RPTOR: variants seen among roughly 807,000 people sequenced by gnomAD.
The protein encoded by RPTOR is regulatory associated protein of MTOR complex 1.
Under a neutral mutation model 169.9 loss-of-function variants are expected in RPTOR, and 21 were observed. The ratio of observed to expected loss-of-function variants is 0.12; its 90% CI spans 0.09 to 0.18. RPTOR has a LOEUF of 0.18. RPTOR is among the 10% of genes least tolerant of loss of function. The pLI is 1.00. For missense variants in RPTOR, 1,133 were observed against 1,855.9 expected, an observed-to-expected ratio of 0.61 and a Z score of 7.16; for synonymous variants, 732 against 753.2, an observed-to-expected ratio of 0.97 and a Z score of 0.46.
intron 2 of RPTOR, among the ~76,000 whole-genome samples, chr17:80,627,065 T>C (rs1282770119): frequency 6.6e-6 from 1 of 152,198 alleles, no homozygotes; most frequent in African/African-American, 2.4e-5. Context: ...GTTTCTGCCT[T>C]CTTTCACTTA....
intron 3 of RPTOR, among the ~76,000 whole-genome samples, chr17:80,676,309 A>C (rs1214085612): frequency 1.3e-5 from 2 of 152,236 alleles, no homozygotes; most frequent in Non-Finnish European, 2.9e-5. Context: ...TTTCTGAGGG[A>C]AGTGAATCAC....
chr17:80,665,381 TCC>T (rs1567846004), intron 3 of RPTOR, among the ~76,000 whole-genome samples: 125 of 6,188 alleles, frequency 0.02, 4 homozygotes, highest in South Asian at 0.12. Context: ...TCCTTTCCTT[TCC>T]TTTCCTTTCC....
At chr17:80,938,593 C>T (rs1460976186) in intron 24 of RPTOR, among the ~76,000 whole-genome samples, 1 of 152,136 alleles carries the variant, frequency 6.6e-6, no homozygotes, top group Non-Finnish European at 1.5e-5. Context: ...TTTGCCGTTG[C>T]GGGATTATTT....
At chr17:80,755,868 T>C (rs12947166) in intron 6 of RPTOR, among the ~76,000 whole-genome samples, 27,013 of 152,144 alleles carry the variant, frequency 0.18, 2,838 homozygotes, top group East Asian at 0.24. Flanking sequence ...GATGCAGACT[T>C]AGCCTGAAAG....
intron 9 of RPTOR, among the ~76,000 whole-genome samples, chr17:80,834,491 A>G (rs2067541994): frequency 6.6e-6 from 1 of 152,092 alleles, no homozygotes; most frequent in Admixed American, 6.5e-5. Flanking sequence ...GCATCAGTGA[A>G]ACCAGAACCA....
intron 13 of RPTOR, among the ~76,000 whole-genome samples, chr17:80,872,384 G>A (rs1458044885): frequency 6.6e-6 from 1 of 152,158 alleles, no homozygotes; most frequent in Non-Finnish European, 1.5e-5. Flanking sequence ...TATCCCGGGA[G>A]AACTGCGGAC....
At chr17:80,711,799 A>G (rs7503757) in intron 4 of RPTOR, among the ~76,000 whole-genome samples, 13,443 of 131,954 alleles carry the variant, frequency 0.1, 710 homozygotes, top group Middle Eastern at 0.17. Flanking sequence ...CTGGAGTAAC[A>G]GTGGCGTGAT....
chr17:80,850,269 G>A (rs1291389498), intron 11 of RPTOR, among the ~76,000 whole-genome samples: 2 of 152,160 alleles, frequency 1.3e-5, no homozygotes, highest in South Asian at 2.1e-4. Context: ...CTGTGGACCC[G>A]TTGTTTAGCT....
rs1039332740 is a variant in RPTOR at position 80,959,262 on chromosome 17, C to G, written c.3478-816C>G. Among the ~76,000 whole-genome samples the G allele has an allele frequency of 6.6e-6, 1 of 152,222 alleles. No individual in the cohort carries two copies. Among genetic ancestry groups the G allele is most frequent in the Non-Finnish European group, 1.5e-5 (1 of 68,012 alleles). The stretch of plus-strand genomic sequence containing the variant: ...ACCTGTCTGGAGCTGTGGCTCCACA[C>G]GAGACGTAGCCCTCAGGGCACAGCG... On this transcript the variant is annotated intron_variant, in intron 29 of 33. Transcript: ENST00000306801. The surrounding 1 kb of genome is among the most constrained non-coding windows in gnomAD (Gnocchi z 6.7).
At chr17:80,757,972 G>T (rs2143353498) in intron 6 of RPTOR, among the ~76,000 whole-genome samples, 1 of 152,302 alleles carries the variant, frequency 6.6e-6, no homozygotes, top group African/African-American at 2.4e-5. Flanking sequence ...ACCCCAGGAA[G>T]AGATTGGTCC....
At chr17:80,904,674 A>G (rs952407115) in intron 20 of RPTOR, among the ~76,000 whole-genome samples, 1 of 152,134 alleles carries the variant, frequency 6.6e-6, no homozygotes, top group Non-Finnish European at 1.5e-5. Flanking sequence ...GCCGGGCAGG[A>G]CCCAGGCAGC....
chr17:80,598,754 C>T (rs1456444587), intron 1 of RPTOR, among the ~76,000 whole-genome samples: 1 of 152,188 alleles, frequency 6.6e-6, no homozygotes, highest in Non-Finnish European at 1.5e-5. Flanking sequence ...GTGAAAGGCA[C>T]CGGACATGAA....
rs950102324 is a variant in RPTOR at position 80,947,596 on chromosome 17, G to A, written c.3265+245G>A. 5.9e-5 allele frequency among the ~76,000 whole-genome samples: 9 copies of A among 152,274 alleles called. No homozygotes were observed. The highest frequency in any genetic ancestry group is 4.6e-4 in the Admixed American group (7 of 15,296). ...CTTGTCTTCTCATCTCAGTCCTCTA[G>A]CCCTTCCAGCACCAGGAAAAGCCTC... On this transcript the variant is annotated intron_variant, in intron 27 of 33. Coordinates refer to ENST00000306801, the MANE Select transcript of RPTOR (RefSeq NM_020761.3). This position sits in a 1 kb window ranked among gnomAD's most constrained non-coding sequence, Gnocchi z 4.4.
At chr17:80,862,548 G>A (rs904403326) in intron 13 of RPTOR, among the ~76,000 whole-genome samples, 1 of 149,644 alleles carries the variant, frequency 6.7e-6, no homozygotes, top group Non-Finnish European at 1.5e-5. Context: ...CCGAAGCTCC[G>A]CCCACCATGA....
chr17:80,567,124 C>T (rs1277971428), intron 1 of RPTOR, among the ~76,000 whole-genome samples: 1 of 151,852 alleles, frequency 6.6e-6, no homozygotes, highest in Non-Finnish European at 1.5e-5. Context: ...ATGCATGCCA[C>T]CACATCTGGC....
chr17:80,706,878 G>A (rs565912073), intron 3 of RPTOR, among the ~76,000 whole-genome samples: 7 of 152,322 alleles, frequency 4.6e-5, no homozygotes, highest in South Asian at 2.1e-4. Flanking sequence ...ATTTGTTCAC[G>A]TCTTCTGTGT....
chr17:80,862,479 C>G (rs548233429), intron 13 of RPTOR, among the ~76,000 whole-genome samples: 47 of 152,062 alleles, frequency 3.1e-4, no homozygotes, highest in East Asian at 2.3e-3. Flanking sequence ...CCCCTACCCC[C>G]CCATGATGTG....
At chr17:80,712,478 C>T (rs2066203285) in intron 4 of RPTOR, among the ~76,000 whole-genome samples, 1 of 152,164 alleles carries the variant, frequency 6.6e-6, no homozygotes, top group Admixed American at 6.5e-5. Context: ...AAGACTCCTC[C>T]GTGTCTTTTT....
In RPTOR at chr17:80,878,439, C is replaced by G. The variant is rs2068147382; in HGVS notation, c.1510-1976C>G. On this transcript the variant is annotated intron_variant, in intron 13 of 33. Transcript: ENST00000306801. This position sits in a 1 kb window ranked among gnomAD's most constrained non-coding sequence, Gnocchi z 4.1. ...TCAGCTCACTACAGCCTCCGCCTCC[C>G]AGGTTCCAGCGATTCTCCTGCCTCA... Among the ~76,000 whole-genome samples, 2 of 152,122 alleles carry G rather than the reference C, an allele frequency of 1.3e-5. No homozygotes were observed. The highest frequency in any genetic ancestry group is 4.1e-4 in the South Asian group (2 of 4,822).
Sources: allele counts gnomAD v4.1 joint callset (sites outside exome capture counted in the v4.1 genomes callset), GRCh38; gene constraint gnomAD v4.1.1; non-coding constraint Gnocchi (gnomAD v3.1); transcripts MANE v1.5; gene names NCBI Gene and HGNC (gene_info 2026-07-23, HGNC 2026-07-21).